The following FBLN1 variants were observed in gnomAD, a reference collection of about 807,000 sequenced individuals.
FBLN1 encodes the protein fibulin 1.
A neutral mutation model predicts 89.7 loss-of-function variants in FBLN1; 34 were observed. The observed-to-expected ratio is 0.38, with a 90% CI of 0.29 to 0.50. The LOEUF is 0.50. Ranked by LOEUF, FBLN1 falls within the 20% of genes least tolerant of loss-of-function variation. The probability of loss-of-function intolerance (pLI) is 0.92; values close to 1 mark genes in which losing one functional copy is unlikely to be tolerated. For missense variants in FBLN1, 777 were observed against 988.1 expected (o/e 0.79, Z 2.86); for synonymous variants, 393 against 391.3 (o/e 1.00, Z -0.05).
At chr22:45,508,937 A>C (rs1389716426) in intron 1 of FBLN1, among the ~76,000 whole-genome samples, 1 of 152,192 alleles carries the variant, frequency 6.6e-6, no homozygotes, top group African/African-American at 2.4e-5. Context: ...GAGACCATGC[A>C]AGAAAGAAAA....
At chr22:45,517,682 G>A (rs149891502) in intron 1 of FBLN1, 8,661 of 466,826 alleles carry the variant, frequency 0.019, 121 homozygotes, top group Non-Finnish European at 0.026. Flanking sequence ...CGTTTCTGTG[G>A]AAGAGGGGAT....
chr22:45,546,662 A>T (rs529842870), intron 11 of FBLN1, among the ~76,000 whole-genome samples: 1 of 152,362 alleles, frequency 6.6e-6, no homozygotes, highest in African/African-American at 2.4e-5. Flanking sequence ...AGTTCTGTGC[A>T]TTGGAGTATG....
rs1365363851 is a variant in FBLN1 at position 45,532,507 on chromosome 22, C to T, written c.545-556C>T. On this transcript the variant is annotated intron_variant, in intron 5 of 16. Coordinates refer to ENST00000327858, the MANE Select transcript of FBLN1 (RefSeq NM_006486.3). The surrounding 1 kb of genome is among the most constrained non-coding windows in gnomAD (Gnocchi z 4.2). ...AATCTTTCCCTGGTTGAGGCTTATC[C>T]TGATGAGATTTGCACTCTGAGCATC... is the stretch of plus-strand genomic sequence containing the variant. Among the ~76,000 whole-genome samples, 1 of 152,088 alleles carries T rather than the reference C, an allele frequency of 6.6e-6. No homozygotes were observed. The highest frequency in any genetic ancestry group is 2.4e-5 in the African/African-American group (1 of 41,396).
rs887380245 is a variant in FBLN1, at chr22:45,549,886, A to T, written c.1574-606A>T. Among the ~76,000 whole-genome samples the T allele has an allele frequency of 2.0e-5, 3 of 152,020 alleles. No individual in the cohort carries two copies. Among genetic ancestry groups the T allele is most frequent in the Non-Finnish European group, 4.4e-5 (3 of 67,978 alleles). On this transcript the variant is annotated intron_variant, in intron 13 of 16. Transcript: ENST00000327858. This position sits in a 1 kb window ranked among gnomAD's most constrained non-coding sequence, Gnocchi z 5.7. ...TCCAGTCCACCCTGAACAGCCACCA[A>T]CCCCAACACACAGGCAAGACGTATG...
rs2089024269 is a variant in FBLN1 at position 45,579,357 on chromosome 22, GC to G, written c.1972+2250del. On this transcript the variant is annotated intron_variant, in intron 16 of 16. Transcript: ENST00000327858. The surrounding 1 kb of genome is among the most constrained non-coding windows in gnomAD (Gnocchi z 5.5). Reference sequence around the variant, plus strand: ...TTACAGTGAATCAGGGACACAGTGGGCAATGGAAAGGAGTCCCAGGGTATGA... The same window carrying G: ...TTACAGTGAATCAGGGACACAGTGGGAATGGAAAGGAGTCCCAGGGTATGA... 4.6e-5 allele frequency among the ~76,000 whole-genome samples: 7 copies of G among 152,258 alleles called. No homozygotes were observed. The South Asian group carries it at 1.5e-3, about 32-fold the overall frequency.
chr22:45,502,939 G>T lies in FBLN1; in HGVS notation c.-47G>T. ...GCCCGCGCCGCTGCCCCAGGACCGC[G>T]CCCGCGCCTTTGTCCGCCGCCGCCC... On this transcript the variant is annotated 5_prime_UTR_variant, in exon 1 of 17. Coordinates refer to ENST00000327858, the MANE Select transcript of FBLN1 (RefSeq NM_006486.3). The T allele has an allele frequency of 2.2e-6, 2 of 895,986 alleles. No homozygotes were observed. Among genetic ancestry groups the T allele is most frequent in the Non-Finnish European group, 2.7e-6 (2 of 731,646 alleles). The allele number at this position is 895,986 out of a possible 1,614,324, so 55.5% of individuals were successfully genotyped here. A position where few individuals can be genotyped will look rare whatever the true frequency, so the allele number is the denominator to read the frequency against.
At chr22:45,571,655 T>A (rs1204613627) in intron 14 of FBLN1, among the ~76,000 whole-genome samples, 1 of 152,238 alleles carries the variant, frequency 6.6e-6, no homozygotes, top group African/African-American at 2.4e-5. Flanking sequence ...TGTGCCTTTG[T>A]AATACAGAAG....
At chr22:45,542,842 A>G (rs1602192563) in intron 10 of FBLN1, among the ~76,000 whole-genome samples, 2 of 152,360 alleles carry the variant, frequency 1.3e-5, no homozygotes, top group South Asian at 2.1e-4. Flanking sequence ...GCAGGAGGGC[A>G]CAAGTTCAGA....
chr22:45,600,857 G>C lies in FBLN1; in HGVS notation c.*411G>C, dbSNP rs145623616. On this transcript the variant is annotated 3_prime_UTR_variant, in exon 17 of 17. Transcript: ENST00000327858. Reference sequence around the variant, plus strand: ...CTTTTTTTTTTTTTTTGGCCAATCAGATTTTCTATGTTCTAAGGACATGGC... The same window carrying C: ...CTTTTTTTTTTTTTTTGGCCAATCACATTTTCTATGTTCTAAGGACATGGC... 78 of 307,698 alleles carry C rather than the reference G, an allele frequency of 2.5e-4. 1 individual carries two copies. The East Asian group carries it at 6.2e-3, about 25-fold the overall frequency. The allele number at this position is 307,698 out of a possible 1,614,324, so 19.1% of individuals were successfully genotyped here.
rs2089001595 is a variant in FBLN1, at chr22:45,576,870, C to A, written c.1841-107C>A. The A allele has an allele frequency of 7.3e-7, 1 of 1,371,848 alleles. No individual in the cohort carries two copies. Among genetic ancestry groups the A allele is most frequent in the Non-Finnish European group, 1.0e-6 (1 of 982,678 alleles). The allele number at this position is 1,371,848 out of a possible 1,614,324, so 85.0% of individuals were successfully genotyped here. The stretch of plus-strand genomic sequence containing the variant: ...TCATTGATGTTGTCTCATGAAAGGG[C>A]CCTGGGTTAGGTCTTCATTCCCCAA... On this transcript the variant is annotated intron_variant, in intron 15 of 16. Coordinates refer to ENST00000327858, the MANE Select transcript of FBLN1 (RefSeq NM_006486.3). The surrounding 1 kb of genome is among the most constrained non-coding windows in gnomAD (Gnocchi z 5.2).
At chr22:45,593,075 A>G (rs1482827039) in intron 16 of FBLN1, among the ~76,000 whole-genome samples, 2 of 151,968 alleles carry the variant, frequency 1.3e-5, no homozygotes, top group Non-Finnish European at 2.9e-5. Flanking sequence ...ATGCAGAGCC[A>G]CCTAGGAACT....
At chr22:45,517,628 T>C (rs752001344) in intron 1 of FBLN1, 3 of 471,146 alleles carry the variant, frequency 6.4e-6, no homozygotes, top group South Asian at 1.5e-5. Context: ...ACCTGTGCTC[T>C]CTGCTTTGCC....
intron 1 of FBLN1, among the ~76,000 whole-genome samples, chr22:45,507,263 C>A (rs2088035376): frequency 6.6e-6 from 1 of 152,168 alleles, no homozygotes; most frequent in African/African-American, 2.4e-5. Context: ...CCATAGCTTC[C>A]TACAGGTTAT....
chr22:45,595,691 A>G (rs1035293300), intron 16 of FBLN1, among the ~76,000 whole-genome samples: 2 of 152,312 alleles, frequency 1.3e-5, no homozygotes, highest in Non-Finnish European at 2.9e-5. Context: ...CAAGAGAAAT[A>G]CTTAACACCT....
rs779484898 is a variant in FBLN1 at position 45,536,531 on chromosome 22, G to A, written c.922+1194G>A. Among the ~76,000 whole-genome samples, 13 of 152,154 alleles carry A rather than the reference G, an allele frequency of 8.5e-5. No individual in the cohort carries two copies. Among genetic ancestry groups the A allele is most frequent in the Admixed American group, 2.6e-4 (4 of 15,280 alleles). On this transcript the variant is annotated intron_variant, in intron 8 of 16. Coordinates refer to ENST00000327858, the MANE Select transcript of FBLN1 (RefSeq NM_006486.3). The surrounding 1 kb of genome is among the most constrained non-coding windows in gnomAD (Gnocchi z 5.1). ...TGTAATCCCAGCACTTTGGGAGGCC[G>A]AGGAGGGTGGATCACCTGAGGTCAG...
intron 14 of FBLN1, among the ~76,000 whole-genome samples, chr22:45,568,415 T>TTCTGTAGGGGAATGCCTC (rs2088916305): frequency 3.5e-5 from 2 of 56,704 alleles, no homozygotes; most frequent in African/African-American, 7.2e-5. Flanking sequence ...GGGAGTGCTC[T>TTCTGTAGGGGAATGCCTC]TTCTGTAGGG....
intron 14 of FBLN1, among the ~76,000 whole-genome samples, chr22:45,566,945 C>G (rs983438051): frequency 7.2e-5 from 11 of 152,248 alleles, no homozygotes; most frequent in African/African-American, 2.7e-4. Flanking sequence ...GAGACAGGCG[C>G]TGTTCCAAGC....
intron 1 of FBLN1, among the ~76,000 whole-genome samples, chr22:45,505,805 C>T (rs888165517): frequency 2.6e-5 from 4 of 152,098 alleles, no homozygotes; most frequent in African/African-American, 9.7e-5. Flanking sequence ...GAGTTTCGCT[C>T]TTGTCGCCCA....
intron 1 of FBLN1, among the ~76,000 whole-genome samples, chr22:45,507,076 G>A (rs576161153): frequency 6.6e-6 from 1 of 152,240 alleles, no homozygotes; most frequent in South Asian, 2.1e-4. Context: ...ACTTCCCTGG[G>A]ATAGGAGACC....
Sources: allele counts gnomAD v4.1 joint callset (sites outside exome capture counted in the v4.1 genomes callset), GRCh38; gene constraint gnomAD v4.1.1; non-coding constraint Gnocchi (gnomAD v3.1); transcripts MANE v1.5; gene names NCBI Gene and HGNC (gene_info 2026-07-23, HGNC 2026-07-21).